Variants in SUPT5H observed in about 807,000 individuals in gnomAD.
SUPT5H encodes transcription elongation factor SPT5.
SUPT5H carries 24 observed loss-of-function variants against 142.5 expected under a neutral mutation model. The ratio of observed to expected loss-of-function variants is 0.17; its 90% confidence interval spans 0.12 to 0.24. SUPT5H has a LOEUF of 0.24. Among genes scored for constraint, SUPT5H ranks in the 10% least tolerant of loss-of-function variants. The pLI is 1.00. For missense variants in SUPT5H, 893 were observed against 1,471.8 expected (o/e 0.61, Z 6.43); for synonymous variants, 546 against 553.0 (o/e 0.99, Z 0.18).
At chr19:39,467,259 T>A (rs2079253653) in intron 13 of SUPT5H, among the ~76,000 whole-genome samples, 1 of 152,014 alleles carries the variant, frequency 6.6e-6, no homozygotes, top group Non-Finnish European at 1.5e-5. Flanking sequence ...GGTCAGCTCC[T>A]GTAATCCAAG....
In SUPT5H at chr19:39,458,553, G is replaced by C. The variant is rs113644951; in HGVS notation, c.319+248G>C. 1,286 of 788,890 alleles carry C rather than the reference G, an allele frequency of 1.6e-3. 15 individuals are homozygous for C. In the African/African-American group the frequency reaches 0.02, roughly 12 times the overall value. The allele number at this position is 788,890 out of a possible 1,614,324, so 48.9% of individuals were successfully genotyped here. A position where few individuals can be genotyped will look rare whatever the true frequency, so the allele number is the denominator to read the frequency against. On this transcript the variant is annotated intron_variant, in intron 5 of 29. Coordinates refer to ENST00000432763, the MANE Select transcript of SUPT5H (RefSeq NM_001111020.3). The surrounding 1 kb of genome is among the most constrained non-coding windows in gnomAD (Gnocchi z 4.2). ...TGGGTGGTAGCGATGTGTGGGGTGG[G>C]GTGCAGTCCAGGGTGTGCCTGGACT...
chr19:39,455,195 T>C (rs7255253), intron 3 of SUPT5H, among the ~76,000 whole-genome samples: 93,316 of 151,920 alleles, frequency 0.61, 29,839 homozygotes, highest in African/African-American at 0.8. Context: ...ATATGAGGCA[T>C]GTGCTGCTGT....
Position 39,474,213 on chromosome 19 carries a change from C to G in SUPT5H, c.2652-21C>G, listed in dbSNP as rs772992538. On this transcript the variant is annotated intron_variant, in intron 26 of 29. Coordinates refer to ENST00000432763, the MANE Select transcript of SUPT5H (RefSeq NM_001111020.3). This position sits in a 1 kb window ranked among gnomAD's most constrained non-coding sequence, Gnocchi z 6.5. Reference sequence around the variant, plus strand: ...CCCCTCCCTCCTCCAACAAATGCCCCCTTCTCTCCTGTCTCTGCAGGTACA... The same window carrying G: ...CCCCTCCCTCCTCCAACAAATGCCCGCTTCTCTCCTGTCTCTGCAGGTACA... 5 of 1,613,910 alleles carry G rather than the reference C, an allele frequency of 3.1e-6. No individual in the cohort carries two copies. The highest frequency in any genetic ancestry group is 4.2e-6 in the Non-Finnish European group (5 of 1,179,968).
chr19:39,462,681 A>G (rs1313399720), intron 10 of SUPT5H, among the ~76,000 whole-genome samples: 1 of 134,652 alleles, frequency 7.4e-6, no homozygotes, highest in Non-Finnish European at 1.6e-5. Context: ...CAGGCACCCG[A>G]CACCACGCCT....
Position 39,453,514 on chromosome 19 carries a change from C to T in SUPT5H, c.234C>T (p.Asp78=), listed in dbSNP as rs746390725. 30 of 1,542,574 alleles carry T rather than the reference C, an allele frequency of 1.9e-5. No homozygotes were observed. The Admixed American group carries it at 2.2e-4, about 11-fold the overall frequency. The part of the protein sequence containing the change: ...KKPRHGGFIL[D]EADVDDEYED... Reference sequence around the variant, plus strand: ...CCCGCCATGGAGGCTTCATTCTGGACGAGGCTGGTATGTCATAGTGCTTGG... The same window carrying T: ...CCCGCCATGGAGGCTTCATTCTGGATGAGGCTGGTATGTCATAGTGCTTGG... Residue 78 remains aspartate (D), a synonymous_variant, in exon 3 of 30, where the codon GAC becomes GAT. Coordinates refer to ENST00000432763, the MANE Select transcript of SUPT5H (RefSeq NM_001111020.3).
intron 3 of SUPT5H, among the ~76,000 whole-genome samples, chr19:39,453,722 G>A (rs1170273935): frequency 6.6e-6 from 1 of 152,076 alleles, no homozygotes; most frequent in Non-Finnish European, 1.5e-5. Flanking sequence ...CCGCCACCAC[G>A]CCCGGCTAAT....
At chr19:39,446,092 A>G in intron 2 of SUPT5H, 127 bp downstream of exon 2, 2 of 1,055,996 alleles carry the variant, frequency 1.9e-6, no homozygotes, top group Admixed American at 2.1e-5. Context: ...GATTGTCTCA[A>G]GAGATAGAGA....
In SUPT5H at chr19:39,476,150, C is replaced by A. The variant is rs1345726516; in HGVS notation, c.3094C>A (p.Pro1032Thr). ...VVSISSEHLE[P>T]ITPTKNNKVK... ...CAGCATTTCCAGTGAGCACCTGGAG[C>A]CTATCACCCCCACCAAGAACAACAA... Residue 1032 changes from proline to threonine, a missense_variant, in exon 29 of 30, where the codon CCT becomes ACT. Coordinates refer to ENST00000432763, the MANE Select transcript of SUPT5H (RefSeq NM_001111020.3). 1.2e-6 allele frequency: 2 copies of A among 1,614,100 alleles called. No homozygotes were observed. Among genetic ancestry groups the A allele is most frequent in the Admixed American group, 3.3e-5 (2 of 60,018 alleles).
intron 2 of SUPT5H, among the ~76,000 whole-genome samples, chr19:39,446,177 G>A (rs1237165235): frequency 6.6e-6 from 1 of 152,150 alleles, no homozygotes; most frequent in Non-Finnish European, 1.5e-5. Context: ...GAGATAACAG[G>A]TGATGTTTTG....
chr19:39,470,304 G>A lies in SUPT5H; in HGVS notation c.1530+30G>A, dbSNP rs778036984. The A allele has an allele frequency of 1.3e-6, 2 of 1,549,464 alleles. No individual in the cohort carries two copies. Among genetic ancestry groups the A allele is most frequent in the South Asian group, 1.2e-5 (1 of 81,742 alleles). Reference sequence around the variant, plus strand: ...GTGGATAGAAGGGTCGGGGAAGGGTGCACGTGCCAAGAGGAGACCCAGGTA... The same window carrying A: ...GTGGATAGAAGGGTCGGGGAAGGGTACACGTGCCAAGAGGAGACCCAGGTA... On this transcript the variant is annotated intron_variant, in intron 17 of 29. Coordinates refer to ENST00000432763, the MANE Select transcript of SUPT5H (RefSeq NM_001111020.3). The surrounding 1 kb of genome is among the most constrained non-coding windows in gnomAD (Gnocchi z 5.8).
intron 13 of SUPT5H, chr19:39,468,067 G>A (rs1027241664): frequency 6.6e-6 from 1 of 152,344 alleles, no homozygotes; most frequent in African/African-American, 2.4e-5. Context: ...GGAGGAACTT[G>A]ACCTGCTCCT....
chr19:39,460,051 G>T, intron 10 of SUPT5H, 91 bp downstream of exon 10: 1 of 1,358,294 alleles, frequency 7.4e-7, no homozygotes, highest in South Asian at 1.2e-5. Context: ...AGGTGCCTCT[G>T]TTGTGAGCAG....
chr19:39,459,398 CTT>C (rs1171995353), intron 8 of SUPT5H, 149 bp downstream of exon 8: 1 of 1,349,594 alleles, frequency 7.4e-7, no homozygotes, highest in Non-Finnish European at 1.0e-6. Context: ...CAAGGTGGCA[CTT>C]TCTCTTTCCT....
intron 20 of SUPT5H, 81 bp downstream of exon 20, chr19:39,471,811 G>A: frequency 4.6e-6 from 7 of 1,522,376 alleles, no homozygotes; most frequent in Non-Finnish European, 6.1e-6. Flanking sequence ...GAAGTGATAA[G>A]ATTGGGCTTG....
chr19:39,471,312 C>T lies in SUPT5H; in HGVS notation c.1678-45C>T. On this transcript the variant is annotated intron_variant, in intron 18 of 29. Transcript: ENST00000432763. Reference sequence around the variant, plus strand: ...TAGGGAACCCCTGCCCCGTGTCTCCCCTTCCCATTCTCACCCCCACAGCCT... The same window carrying T: ...TAGGGAACCCCTGCCCCGTGTCTCCTCTTCCCATTCTCACCCCCACAGCCT... 2.5e-6 allele frequency: 4 copies of T among 1,612,862 alleles called. No individual in the cohort carries two copies. In the South Asian group the frequency reaches 3.3e-5, roughly 13 times the overall value.
chr19:39,462,152 AC>A (rs2079171719), intron 10 of SUPT5H, among the ~76,000 whole-genome samples: 1 of 151,890 alleles, frequency 6.6e-6, no homozygotes, highest in African/African-American at 2.4e-5. Flanking sequence ...CAAGTGATCC[AC>A]CCGCCTTGGC....
chr19:39,460,205 G>T (rs1461079955), intron 10 of SUPT5H: 3 of 511,210 alleles, frequency 5.9e-6, no homozygotes, highest in Non-Finnish European at 1.1e-5. Context: ...TTGGAAGTCA[G>T]CCAGCTAGCT....
intron 13 of SUPT5H, chr19:39,467,104 T>C (rs917597956): frequency 1.2e-5 from 2 of 168,544 alleles, no homozygotes; most frequent in African/African-American, 4.8e-5. Flanking sequence ...TTGATGAGGC[T>C]GGGCGTGATG....
rs1291858161 is a variant in SUPT5H, at chr19:39,465,020, C to T, written c.847C>T (p.Arg283Trp). The T allele has an allele frequency of 3.7e-6, 6 of 1,614,084 alleles. No homozygotes were observed. Among genetic ancestry groups the T allele is most frequent in the African/African-American group, 1.3e-5 (1 of 75,064 alleles). Residue 283 changes from arginine to tryptophan, a missense_variant, in exon 11 of 30, where the codon CGG (arginine) becomes TGG (tryptophan). Around this residue, in one of 6 missense-constraint regions of SUPT5H, gnomAD observed 428 missense variants for 763.5 expected, o/e 0.56. Coordinates refer to ENST00000432763, the MANE Select transcript of SUPT5H (RefSeq NM_001111020.3). Reference protein sequence around the residue: ...LKPKSWVRLKRGIYKDDIAQV... With the variant: ...LKPKSWVRLKWGIYKDDIAQV... ...ACCAAAGTCCTGGGTCCGCCTCAAG[C>T]GGGGCATCTACAAGGATGACATTGC...
Sources: gnomAD v4.1 joint callset for allele counts (sites outside exome capture counted in the v4.1 genomes callset) on GRCh38, gnomAD v4.1.1 for gene constraint, gnomAD v4.1.1 regional missense constraint, Gnocchi (gnomAD v3.1) non-coding constraint, MANE v1.5 for transcripts, NCBI Gene and HGNC (gene_info 2026-07-23, HGNC 2026-07-21) for gene names.